RBMS3: variants seen among roughly 807,000 people sequenced by gnomAD.
RBMS3 encodes the protein RNA-binding motif, single-stranded-interacting protein 3.
In RBMS3, 27 loss-of-function variants were observed where a neutral mutation model predicts 66.8. The observed-to-expected ratio is 0.40, with a 90% CI of 0.30 to 0.56. The LOEUF is 0.56. Among genes scored for constraint, RBMS3 ranks in the 20% least tolerant of loss-of-function variants. RBMS3 has a pLI of 0.40. For synonymous variants in RBMS3, 188 were observed against 183.0 expected, an observed-to-expected ratio of 1.03 and a Z score of -0.22; for missense variants, 513 against 549.5, an observed-to-expected ratio of 0.93 and a Z score of 0.66.
intron 4 of RBMS3, among the ~76,000 whole-genome samples, chr3:29,600,442 C>T (rs1273446995): frequency 1.3e-5 from 2 of 152,032 alleles, no homozygotes; most frequent in East Asian, 3.9e-4. Context: ...CACAGTCTGG[C>T]TTCCCTTTGC....
chr3:29,284,594 G>A lies in RBMS3; in HGVS notation c.75+2838G>A, dbSNP rs576211060. Among the ~76,000 whole-genome samples the A allele has an allele frequency of 4.6e-5, 7 of 152,098 alleles. No individual in the cohort carries two copies. The South Asian group carries it at 1.0e-3, about 23-fold the overall frequency. The stretch of plus-strand genomic sequence containing the variant: ...TTAGAAGAACTTGCGACACTTCCCT[G>A]CCTTCTCTGCTCCTATTATTTTCCA... On this transcript the variant is annotated intron_variant, in intron 1 of 14. Coordinates refer to ENST00000383767, the MANE Select transcript of RBMS3 (RefSeq NM_001003793.3).
At chr3:29,873,458 AG>A (rs1335972778) in intron 7 of RBMS3, among the ~76,000 whole-genome samples, 1 of 152,140 alleles carries the variant, frequency 6.6e-6, no homozygotes, top group East Asian at 1.9e-4. Flanking sequence ...AACTCTGCTG[AG>A]GTTGTTTATC....
At position 29,904,055 on chromosome 3, in the gene RBMS3, G is replaced by T. The variant is rs2149615774; in HGVS notation, c.939+4300G>T. On this transcript the variant is annotated intron_variant, in intron 10 of 14. Transcript: ENST00000383767. ...TTGTGTCCTTCAATTTTGTAGGTGT[G>T]TGTTTTGAGAAGGCATTATCACCAA... Among the ~76,000 whole-genome samples, 2 of 152,012 alleles carry T rather than the reference G, an allele frequency of 1.3e-5. 1 individual carries two copies. The highest frequency in any genetic ancestry group is 2.9e-5 in the Non-Finnish European group (2 of 67,918).
chr3:30,005,608 T>C lies in RBMS3; in HGVS notation c.*1746T>C, dbSNP rs1417592485. 1 of 151,910 alleles carries C rather than the reference T, an allele frequency of 6.6e-6. No homozygotes were observed. The highest frequency in any genetic ancestry group is 1.5e-5 in the Non-Finnish European group (1 of 67,844). 9.4% of individuals were successfully genotyped at this position (151,910 alleles called of 1,614,324 possible). A position where few individuals can be genotyped will look rare whatever the true frequency, so the allele number is the denominator to read the frequency against. On this transcript the variant is annotated 3_prime_UTR_variant, in exon 15 of 15. Transcript: ENST00000383767. ...TCTAAATTACAACACCTCTGGGTTT[T>C]GTCTTTACACCTCTGTCTTTGTCAT...
chr3:29,692,484 T>C (rs2052069929), intron 4 of RBMS3, among the ~76,000 whole-genome samples: 1 of 152,170 alleles, frequency 6.6e-6, no homozygotes, highest in Non-Finnish European at 1.5e-5. Context: ...GTGACCTGAC[T>C]TGCTCACATT....
intron 2 of RBMS3, among the ~76,000 whole-genome samples, chr3:29,478,873 CA>C: frequency 6.6e-6 from 1 of 152,318 alleles, no homozygotes; most frequent in East Asian, 1.9e-4. Context: ...GAAGTTCTAA[CA>C]AGCAGTGGTA....
At chr3:29,314,040 A>G (rs547620709) in intron 1 of RBMS3, among the ~76,000 whole-genome samples, 36 of 151,660 alleles carry the variant, frequency 2.4e-4, no homozygotes, top group African/African-American at 8.2e-4. Context: ...GGCTTTGTCT[A>G]CTTTGCAGTA....
At chr3:29,322,875 G>C (rs2035090440) in intron 1 of RBMS3, among the ~76,000 whole-genome samples, 1 of 152,060 alleles carries the variant, frequency 6.6e-6, no homozygotes, top group Non-Finnish European at 1.5e-5. Context: ...GAATTCGAAG[G>C]GCTGCTTAGA....
rs55943638 is a variant in RBMS3 at position 29,688,564 on chromosome 3, A to ATTTTTTT, written c.400-51125_400-51119dup. Among the ~76,000 whole-genome samples the ATTTTTTT allele has an allele frequency of 7.4e-5, 5 of 67,130 alleles. 1 individual carries two copies. The highest frequency in any genetic ancestry group is 1.5e-4 in the African/African-American group (2 of 13,054). 44.0% of individuals were successfully genotyped at this position (67,130 alleles called of 152,430 possible). ...TCACATCAGGCACAAAAGTTACAGG[A>ATTTTTTT]TTTTTTTTTTTTTTTTTTTTTTTTT... On this transcript the variant is annotated intron_variant, in intron 4 of 14. Coordinates refer to ENST00000383767, the MANE Select transcript of RBMS3 (RefSeq NM_001003793.3).
At chr3:29,567,272 G>A (rs1408549265) in intron 3 of RBMS3, among the ~76,000 whole-genome samples, 1 of 152,068 alleles carries the variant, frequency 6.6e-6, no homozygotes, top group Non-Finnish European at 1.5e-5. Context: ...TTCCCAAAAA[G>A]GATGAGCAGG....
intron 2 of RBMS3, among the ~76,000 whole-genome samples, chr3:29,472,582 G>C (rs185243145): frequency 6.6e-6 from 1 of 152,008 alleles, no homozygotes; most frequent in African/African-American, 2.4e-5. Flanking sequence ...GGATGTGTTC[G>C]GAGTTTCTTC....
chr3:29,801,358 C>A (rs1172055796), intron 6 of RBMS3, among the ~76,000 whole-genome samples: 2 of 149,750 alleles, frequency 1.3e-5, no homozygotes, highest in Non-Finnish European at 3.0e-5. Flanking sequence ...ACCTCTGCCT[C>A]CTGGGCTCAA....
At position 29,762,904 on chromosome 3, in the gene RBMS3, TCCCAGAATGG is replaced by T; in HGVS notation, c.558-5_562del. Reference sequence around the variant, plus strand: ...ATATGACCTCTGGTTTACCTTTTTTTCCCAGAATGGAGTCTACTGAAAAATGTGAAGTGGT... The same window carrying T: ...ATATGACCTCTGGTTTACCTTTTTTTAGTCTACTGAAAAATGTGAAGTGGT... On this transcript the variant is annotated splice_acceptor_variant and splice_polypyrimidine_tract_variant and coding_sequence_variant and intron_variant, in exon 6 of 15. Transcript: ENST00000383767. LOFTEE classifies it high-confidence loss of function. 1 of 1,593,592 alleles carries T rather than the reference TCCCAGAATGG, an allele frequency of 6.3e-7. No homozygotes were observed. Among genetic ancestry groups the T allele is most frequent in the Non-Finnish European group, 8.6e-7 (1 of 1,165,600 alleles).
chr3:29,773,767 C>T (rs1385151265), intron 6 of RBMS3, among the ~76,000 whole-genome samples: 3 of 152,062 alleles, frequency 2.0e-5, no homozygotes, highest in African/African-American at 7.2e-5. Flanking sequence ...CGGGGCCATC[C>T]ATAAACAGTG....
chr3:29,402,961 C>G (rs186010306), intron 1 of RBMS3, among the ~76,000 whole-genome samples: 1 of 151,822 alleles, frequency 6.6e-6, no homozygotes, highest in East Asian at 1.9e-4. Context: ...TCTGTTTATA[C>G]TTTACTTACT....
intron 1 of RBMS3, among the ~76,000 whole-genome samples, chr3:29,295,848 A>G (rs2033224851): frequency 6.6e-6 from 1 of 151,760 alleles, no homozygotes; most frequent in Non-Finnish European, 1.5e-5. Context: ...ACTAAAAATT[A>G]AATCTTTCAT....
At chr3:29,393,954 G>A (rs1271328845) in intron 1 of RBMS3, among the ~76,000 whole-genome samples, 2 of 152,172 alleles carry the variant, frequency 1.3e-5, no homozygotes, top group African/African-American at 2.4e-5. Context: ...TAGAATTACT[G>A]ATGAGGTTCC....
At chr3:29,909,622 A>G (rs531039644) in intron 10 of RBMS3, among the ~76,000 whole-genome samples, 2 of 152,208 alleles carry the variant, frequency 1.3e-5, no homozygotes, top group South Asian at 4.1e-4. Flanking sequence ...AAATTCTCAG[A>G]TAATGGTGGT....
chr3:29,633,544 T>C (rs954656353), intron 4 of RBMS3, among the ~76,000 whole-genome samples: 3 of 151,888 alleles, frequency 2.0e-5, no homozygotes, highest in African/African-American at 7.2e-5. Flanking sequence ...TTATCCCCAA[T>C]GTACATCATC....
Sources: allele counts gnomAD v4.1 joint callset (sites outside exome capture counted in the v4.1 genomes callset), GRCh38; gene constraint gnomAD v4.1.1; transcripts MANE v1.5; gene names NCBI Gene and HGNC (gene_info 2026-07-23, HGNC 2026-07-21).